SLC39A10: variants seen among roughly 807,000 people sequenced by gnomAD.
SLC39A10 encodes zinc transporter ZIP10.
In SLC39A10, 13 loss-of-function variants were observed where a neutral mutation model predicts 65.1. The observed-to-expected ratio is 0.20, with a 90% confidence interval of 0.13 to 0.32. SLC39A10 has a LOEUF of 0.32. SLC39A10 is among the 10% of genes least tolerant of loss of function. The probability of loss-of-function intolerance (pLI) is 1.00; values close to 1 mark genes in which losing one functional copy is unlikely to be tolerated. For synonymous variants in SLC39A10, 321 were observed against 342.2 expected, an observed-to-expected ratio of 0.94 and a Z score of 0.68; for missense variants, 831 against 1,018.4, an observed-to-expected ratio of 0.82 and a Z score of 2.50.
At chr2:195,729,966 T>TC (rs1411125219) in intron 9 of SLC39A10, among the ~76,000 whole-genome samples, 1 of 131,336 alleles carries the variant, frequency 7.6e-6, no homozygotes, top group Non-Finnish European at 1.6e-5. Context: ...GCCTAATTTT[T>TC]TTTTTTTTTT....
At chr2:195,701,332 C>T (rs1218684172) in intron 3 of SLC39A10, among the ~76,000 whole-genome samples, 2 of 70,448 alleles carry the variant, frequency 2.8e-5, no homozygotes, top group Admixed American at 1.4e-4. Flanking sequence ...ACATTATCTT[C>T]TTGACTTTTT....
intron 3 of SLC39A10, among the ~76,000 whole-genome samples, chr2:195,688,882 T>C (rs1405431138): frequency 6.6e-6 from 1 of 152,240 alleles, no homozygotes; most frequent in Non-Finnish European, 1.5e-5. Context: ...AGAGATACTC[T>C]TTTGCCTGTC....
chr2:195,713,605 T>G (rs1308890059), intron 6 of SLC39A10, 52 bp downstream of exon 6: 1 of 1,505,382 alleles, frequency 6.6e-7, no homozygotes, highest in African/African-American at 1.5e-5. Context: ...TTTTTTTCAT[T>G]CAAATTTACA....
rs139952644 is a variant in SLC39A10 at position 195,706,617 on chromosome 2, C to G, written c.1218C>G (p.Ala406=). The change falls in exon 4 of 10, where the codon GCC becomes GCG. Residue 406 remains alanine (A), a splice_region_variant and synonymous_variant. Coordinates refer to ENST00000359634, the MANE Select transcript of SLC39A10 (RefSeq NM_020342.3). ...TGACTCTTAATTTCTTTTCTACAGCCTGGATTTGTGGTATCATTTCTATCA... is the reference window on the plus strand; with the variant it reads ...TGACTCTTAATTTCTTTTCTACAGCGTGGATTTGTGGTATCATTTCTATCA... ...PEDEANIGAS[A]WICGIISITV... 2.5e-6 allele frequency: 4 copies of G among 1,609,514 alleles called. No individual in the cohort carries two copies. Among genetic ancestry groups the G allele is most frequent in the African/African-American group, 1.3e-5 (1 of 74,398 alleles).
chr2:195,621,052 A>G (rs1282603564), intron 2 of SLC39A10, among the ~76,000 whole-genome samples: 1 of 152,236 alleles, frequency 6.6e-6, no homozygotes, highest in South Asian at 2.1e-4. Context: ...TTTCAAATAG[A>G]ACATAAATTT....
chr2:195,704,472 G>T (rs943863162), intron 3 of SLC39A10, among the ~76,000 whole-genome samples: 33 of 152,100 alleles, frequency 2.2e-4, no homozygotes, highest in Admixed American at 7.2e-4. Flanking sequence ...CTAGAGAGCT[G>T]CAGTAGTTTT....
At chr2:195,625,599 A>G (rs1366176945) in intron 2 of SLC39A10, among the ~76,000 whole-genome samples, 1 of 152,150 alleles carries the variant, frequency 6.6e-6, no homozygotes, top group African/African-American at 2.4e-5. Flanking sequence ...TTAATTAGCC[A>G]GTTATATAAG....
chr2:195,653,601 T>C (rs1177910226), upstream of SLC39A10, among the ~76,000 whole-genome samples: 2 of 152,172 alleles, frequency 1.3e-5, no homozygotes, highest in Admixed American at 6.5e-5. Context: ...GGCCTGTGCC[T>C]GAATTTTAAA....
intron 1 of SLC39A10, chr2:195,657,573 G>A (rs1265994557): frequency 1.0e-6 from 1 of 983,836 alleles, no homozygotes; most frequent in East Asian, 1.1e-4. Flanking sequence ...TCCACTTCGC[G>A]TGCGGAGCCT....
intron 2 of SLC39A10, 135 bp downstream of exon 2, chr2:195,681,185 A>G: frequency 2.2e-6 from 2 of 909,454 alleles, no homozygotes; most frequent in Non-Finnish European, 3.2e-6. Context: ...ATGAAATATC[A>G]GGTAATGTTC....
At chr2:195,626,802 A>G (rs568409153) in intron 2 of SLC39A10, among the ~76,000 whole-genome samples, 1 of 152,206 alleles carries the variant, frequency 6.6e-6, no homozygotes, top group South Asian at 2.1e-4. Context: ...ATCAATGGGT[A>G]GTAATTTTCC....
At chr2:195,733,445 A>G (rs1692488808) in intron 9 of SLC39A10, among the ~76,000 whole-genome samples, 1 of 152,202 alleles carries the variant, frequency 6.6e-6, no homozygotes, top group Admixed American at 6.5e-5. Flanking sequence ...AAATTAAAGG[A>G]ATTTAATTTT....
intron 8 of SLC39A10, among the ~76,000 whole-genome samples, chr2:195,720,695 G>GT (rs1692000586): frequency 6.6e-6 from 1 of 152,106 alleles, no homozygotes; most frequent in Non-Finnish European, 1.5e-5. Flanking sequence ...ATTCTGTATG[G>GT]TTTCATTTAC....
rs376327259 is a variant in SLC39A10, at chr2:195,625,222, A to AAAAGAAAGAAAGAAAGAAAGAAAGAAAG, written c.-12+19014_-12+19015insAAGAAAGAAAGAAAGAAAGAAAGAAAGA. Among the ~76,000 whole-genome samples, 298 of 112,254 alleles carry AAAAGAAAGAAAGAAAGAAAGAAAGAAAG rather than the reference A, an allele frequency of 2.7e-3. 5 individuals are homozygous for AAAAGAAAGAAAGAAAGAAAGAAAGAAAG. The highest frequency in any genetic ancestry group is 8.7e-3 in the African/African-American group (283 of 32,612). The allele number at this position is 112,254 out of a possible 152,430, so 73.6% of individuals were successfully genotyped here. Reference sequence around the variant, plus strand: ...ACAGAGGGACACTCTGTCTCAAAAAAAAAGAAAGAAAGAAAGAAAGAAAGA... The same window carrying AAAAGAAAGAAAGAAAGAAAGAAAGAAAG: ...ACAGAGGGACACTCTGTCTCAAAAAAAAAGAAAGAAAGAAAGAAAGAAAGAAAGAAAGAAAGAAAGAAAGAAAGAAAGA... On this transcript the variant is annotated intron_variant, in intron 2 of 2. Transcript: ENST00000458054.
chr2:195,713,478 A>G lies in SLC39A10; in HGVS notation c.1621A>G (p.Ile541Val), dbSNP rs777031895. 6 of 1,582,466 alleles carry G rather than the reference A, an allele frequency of 3.8e-6. No individual in the cohort carries two copies. The highest frequency in any genetic ancestry group is 5.1e-6 in the Non-Finnish European group (6 of 1,171,974). The change falls in exon 6 of 10, where the codon ATT (isoleucine) becomes GTT (valine). Residue 541 changes from isoleucine to valine, a missense_variant. Physicochemically the swap from Ile to Val is conservative, Grantham distance 29. Transcript: ENST00000359634. ...FMKQNTEEST[I>V]GRKLSDHKLN... ...GAAACAGAACACAGAAGAATCAACT[A>G]TTGGAAGAAAGCTTTCAGATCACAA...
intron 2 of SLC39A10, among the ~76,000 whole-genome samples, chr2:195,629,540 C>T (rs58435959): frequency 0.21 from 31,619 of 152,024 alleles, 3,936 homozygotes; most frequent in East Asian, 0.6. Context: ...TCTACACCAG[C>T]ATATTTTGCT....
intron 2 of SLC39A10, among the ~76,000 whole-genome samples, chr2:195,637,909 AAGTT>A (rs1302644923): frequency 1.3e-5 from 2 of 152,212 alleles, no homozygotes; most frequent in African/African-American, 2.4e-5. Flanking sequence ...GTGATAAGAC[AAGTT>A]AGTTAAAGTT....
intron 1 of SLC39A10, among the ~76,000 whole-genome samples, chr2:195,661,345 G>A (rs1215286863): frequency 6.6e-6 from 1 of 152,112 alleles, no homozygotes; most frequent in South Asian, 2.1e-4. Context: ...TTAGTGGAAT[G>A]CTTAAAAGTA....
chr2:195,638,559 G>A (rs1688738465), intron 2 of SLC39A10, among the ~76,000 whole-genome samples: 1 of 151,628 alleles, frequency 6.6e-6, no homozygotes, highest in Non-Finnish European at 1.5e-5. Context: ...GGCCAGGCTG[G>A]TCTCGAACTC....
Sources: allele counts gnomAD v4.1 joint callset (sites outside exome capture counted in the v4.1 genomes callset), GRCh38; gene constraint gnomAD v4.1.1; transcripts MANE v1.5; gene names NCBI Gene and HGNC (gene_info 2026-07-23, HGNC 2026-07-21).